Variants in VEPH1 observed in about 807,000 individuals in gnomAD.
VEPH1 encodes the protein ventricular zone-expressed PH domain-containing protein homolog 1.
VEPH1 carries 80 observed loss-of-function variants against 85.2 expected under a neutral mutation model. The observed-to-expected ratio is 0.94, with a 90% confidence interval of 0.78 to 1.13. The LOEUF (loss-of-function observed/expected upper bound fraction) is 1.13, where lower values mean the gene tolerates loss of function less well. VEPH1 is among the 50% of genes most tolerant of loss of function. The pLI is 0.00. For missense variants in VEPH1, 955 were observed against 980.5 expected, an observed-to-expected ratio of 0.97 and a Z score of 0.35; for synonymous variants, 297 against 348.0, an observed-to-expected ratio of 0.85 and a Z score of 1.63.
chr3:157,286,405 G>A lies in VEPH1; in HGVS notation c.2128+152C>T, dbSNP rs892895406. On this transcript the variant is annotated intron_variant, in intron 12 of 13. Transcript: ENST00000362010. ...TTTCCTACGACCACTTTGGTGAGACGCCTTTCTCAGCACAAAGCAGGGACA... is the reference window on the plus strand; with the variant it reads ...TTTCCTACGACCACTTTGGTGAGACACCTTTCTCAGCACAAAGCAGGGACA... The A allele has an allele frequency of 1.1e-4, 76 of 679,170 alleles. 2 individuals carry two copies. The highest frequency in any genetic ancestry group is 8.6e-4 in the South Asian group (48 of 55,542). The allele number at this position is 679,170 out of a possible 1,614,324, so 42.1% of individuals were successfully genotyped here.
intron 5 of VEPH1, among the ~76,000 whole-genome samples, chr3:157,422,994 T>C (rs1732466561): frequency 6.6e-6 from 1 of 152,222 alleles, no homozygotes. Flanking sequence ...CTTGTCTTTT[T>C]TACTTCTCTA....
At chr3:157,292,809 T>TAAAAAAAAA (rs11332321) in intron 11 of VEPH1, among the ~76,000 whole-genome samples, 1 of 98,604 alleles carries the variant, frequency 1.0e-5, no homozygotes, top group African/African-American at 4.2e-5. Flanking sequence ...CCCTCTCTAC[T>TAAAAAAAAA]AAAAAAAAAA....
chr3:157,443,401 CA>C (rs200886255), intron 4 of VEPH1: 5 of 104,702 alleles, frequency 4.8e-5, no homozygotes, highest in South Asian at 3.0e-4. Flanking sequence ...TACCTTATTA[CA>C]AAAAAAAGAT....
intron 9 of VEPH1, among the ~76,000 whole-genome samples, chr3:157,336,315 C>T (rs964389277): frequency 7.2e-5 from 11 of 152,184 alleles, no homozygotes; most frequent in African/African-American, 2.4e-4. Flanking sequence ...GCTAAGGGTG[C>T]CAACTCAGAC....
intron 9 of VEPH1, among the ~76,000 whole-genome samples, chr3:157,318,670 G>A: frequency 6.9e-6 from 1 of 145,246 alleles, no homozygotes; most frequent in Non-Finnish European, 1.6e-5. Context: ...GAAAAGGAAA[G>A]AAAGAAAGAA....
chr3:157,294,693 G>A (rs1717912879), intron 11 of VEPH1, among the ~76,000 whole-genome samples: 1 of 152,184 alleles, frequency 6.6e-6, no homozygotes, highest in Admixed American at 6.5e-5. Flanking sequence ...GAATTGCTGT[G>A]TCATAGTGTA....
At chr3:157,325,275 C>G (rs1317088655) in intron 9 of VEPH1, among the ~76,000 whole-genome samples, 1 of 151,630 alleles carries the variant, frequency 6.6e-6, no homozygotes, top group Admixed American at 6.6e-5. Context: ...AAAATTTTCT[C>G]CCATTCTGTA....
At position 157,472,769 on chromosome 3, in the gene VEPH1, T is replaced by C. The variant is rs1044866953; in HGVS notation, c.139-2240A>G. 3.9e-5 allele frequency among the ~76,000 whole-genome samples: 6 copies of C among 152,188 alleles called. No homozygotes were observed. The East Asian group carries it at 5.8e-4, about 15-fold the overall frequency. On this transcript the variant is annotated intron_variant, in intron 2 of 13. Transcript: ENST00000362010. Reference sequence around the variant, plus strand: ...TCCCACTTAAAGTGACAACACACAGTATTTGTTTTTCTGTTCCTGCATTAA... The same window carrying C: ...TCCCACTTAAAGTGACAACACACAGCATTTGTTTTTCTGTTCCTGCATTAA...
At chr3:157,431,655 T>TACC (rs753914417) in intron 4 of VEPH1, among the ~76,000 whole-genome samples, 15 of 152,168 alleles carry the variant, frequency 9.9e-5, no homozygotes, top group Middle Eastern at 3.4e-3. Context: ...GTATTCTGCC[T>TACC]ACCACCAAGA....
chr3:157,308,447 T>C (rs1719752725), intron 11 of VEPH1, among the ~76,000 whole-genome samples: 1 of 152,026 alleles, frequency 6.6e-6, no homozygotes, highest in Non-Finnish European at 1.5e-5. Flanking sequence ...TATATGTATA[T>C]ATTTGAGTTG....
intron 6 of VEPH1, among the ~76,000 whole-genome samples, chr3:157,387,503 C>G (rs540265988): frequency 5.9e-5 from 9 of 152,176 alleles, no homozygotes; most frequent in Non-Finnish European, 8.8e-5. Context: ...AATATTAAAT[C>G]AAGATTCATC....
At chr3:157,377,563 A>G (rs1431979256) in intron 7 of VEPH1, among the ~76,000 whole-genome samples, 1 of 151,912 alleles carries the variant, frequency 6.6e-6, no homozygotes, top group Non-Finnish European at 1.5e-5. Flanking sequence ...GACTAGGTGG[A>G]GGTAATTGAA....
chr3:157,302,177 A>G (rs1156966773), intron 11 of VEPH1, among the ~76,000 whole-genome samples: 2 of 152,110 alleles, frequency 1.3e-5, no homozygotes, highest in Non-Finnish European at 2.9e-5. Context: ...TGAATATGTC[A>G]TTTATTTCCA....
chr3:157,332,473 A>G (rs1426170746), intron 9 of VEPH1, among the ~76,000 whole-genome samples: 7 of 152,228 alleles, frequency 4.6e-5, no homozygotes, highest in Admixed American at 4.6e-4. Context: ...GATATTTTAT[A>G]TAAATGGAAT....
At chr3:157,414,757 A>C (rs1404787278) in intron 5 of VEPH1, among the ~76,000 whole-genome samples, 2 of 152,178 alleles carry the variant, frequency 1.3e-5, no homozygotes, top group African/African-American at 2.4e-5. Flanking sequence ...AATACATCAC[A>C]TATTGATAAT....
chr3:157,473,067 CTTTTTTTTTTTTTTTT>C (rs200991031), intron 2 of VEPH1, among the ~76,000 whole-genome samples: 1 of 82,674 alleles, frequency 1.2e-5, no homozygotes, highest in Non-Finnish European at 2.1e-5. Context: ...TTAAATGAAC[CTTTTTTTTTTTTTTTT>C]TTTTTTTTTG....
At chr3:157,289,422 G>A (rs1717197172) in intron 11 of VEPH1, among the ~76,000 whole-genome samples, 1 of 152,178 alleles carries the variant, frequency 6.6e-6, no homozygotes, top group Non-Finnish European at 1.5e-5. Flanking sequence ...CCTCCTCAGA[G>A]GATTTAGGTG....
intron 3 of VEPH1, among the ~76,000 whole-genome samples, chr3:157,466,529 T>C (rs1736390744): frequency 6.6e-6 from 1 of 152,340 alleles, no homozygotes; most frequent in Middle Eastern, 3.4e-3. Context: ...AATTGTACTG[T>C]GTAAACACCG....
intron 6 of VEPH1, among the ~76,000 whole-genome samples, chr3:157,398,781 A>G (rs1020003539): frequency 1.3e-5 from 2 of 151,328 alleles, no homozygotes; most frequent in Admixed American, 6.6e-5. Flanking sequence ...CTCACGCACC[A>G]CTAGATCTGC....
Sources: gnomAD v4.1 joint callset for allele counts (sites outside exome capture counted in the v4.1 genomes callset) on GRCh38, gnomAD v4.1.1 for gene constraint, MANE v1.5 for transcripts, NCBI Gene and HGNC (gene_info 2026-07-23, HGNC 2026-07-21) for gene names.